Variants in INPPL1 observed in about 807,000 individuals in gnomAD.
INPPL1 encodes the protein inositol polyphosphate phosphatase like 1, also known as phosphatidylinositol 3,4,5-trisphosphate 5-phosphatase 2.
INPPL1 carries 91 observed loss-of-function variants against 139.3 expected under a neutral mutation model. The ratio of observed to expected loss-of-function variants is 0.65; its 90% CI spans 0.55 to 0.78. The LOEUF (loss-of-function observed/expected upper bound fraction) is 0.78. Among genes scored for constraint, INPPL1 ranks in the 30% least tolerant of loss-of-function variants. The pLI is 0.00. For synonymous variants in INPPL1, 719 were observed against 686.6 expected, an observed-to-expected ratio of 1.05 and a Z score of -0.74; for missense variants, 1,411 against 1,665.6, an observed-to-expected ratio of 0.85 and a Z score of 2.66.
chr11:72,237,651 C>T lies in INPPL1; in HGVS notation c.3407C>T (p.Ala1136Val). 1 of 1,611,272 alleles carries T rather than the reference C, an allele frequency of 6.2e-7. No individual in the cohort carries two copies. The highest frequency in any genetic ancestry group is 8.5e-7 in the Non-Finnish European group (1 of 1,178,894). The change falls in exon 26 of 28, where the codon GCC becomes GTC. Residue 1136 changes from alanine to valine, a missense_variant. This residue lies in a region of INPPL1 where 438 missense variants were observed against 425.7 expected (regional missense o/e 1.03). Transcript: ENST00000298229. ...MAKTLSEVDY[A>V]PAGPARSALL... ...AAGACGCTGAGCGAGGTGGACTATG[C>T]CCCTGCTGGGCCTGCACGCTCAGCG...
chr11:72,235,090 C>A lies in INPPL1; in HGVS notation c.2416-26C>A. 6.3e-7 allele frequency: 1 copy of A among 1,590,190 alleles called. No individual in the cohort carries two copies. Among genetic ancestry groups the A allele is most frequent in the South Asian group, 1.1e-5 (1 of 88,682 alleles). On this transcript the variant is annotated intron_variant, in intron 21 of 27. Coordinates refer to ENST00000298229, the MANE Select transcript of INPPL1 (RefSeq NM_001567.4). The surrounding 1 kb of genome is among the most constrained non-coding windows in gnomAD (Gnocchi z 4.9). ...CAGGAGGAAGTGGCGGGGCTTTGTT[C>A]CTCACTGGGCCTCCCTGCTTCCCAG...
At position 72,228,835 on chromosome 11, in the gene INPPL1, C is replaced by T; in HGVS notation, c.506C>T (p.Pro169Leu). 2 of 1,607,820 alleles carry T rather than the reference C, an allele frequency of 1.2e-6. No individual in the cohort carries two copies. The highest frequency in any genetic ancestry group is 1.7e-6 in the Non-Finnish European group (2 of 1,176,756). Residue 169 changes from proline to leucine, a missense_variant, in exon 4 of 28, where the codon CCA becomes CTA. Pro to Leu is a moderately conservative substitution (Grantham distance 98, BLOSUM62 -3). Transcript: ENST00000298229. This position sits in a 1 kb window ranked among gnomAD's most constrained non-coding sequence, Gnocchi z 5.0. ...PLPAPETPTA[P>L]AAESAPNGLS... Reference sequence around the variant, plus strand: ...CCAGCTCCTGAGACTCCCACAGCTCCAGCTGCTGAGAGGTGAGACCCCCAT... The same window carrying T: ...CCAGCTCCTGAGACTCCCACAGCTCTAGCTGCTGAGAGGTGAGACCCCCAT...
chr11:72,227,070 C>G (rs1232882347), intron 1 of INPPL1, among the ~76,000 whole-genome samples: 3 of 152,142 alleles, frequency 2.0e-5, no homozygotes, highest in African/African-American at 4.8e-5. Flanking sequence ...TTGCCAAATA[C>G]ACACATACTT....
chr11:72,236,301 C>T (rs189284264), intron 25 of INPPL1, among the ~76,000 whole-genome samples: 13 of 152,346 alleles, frequency 8.5e-5, no homozygotes, highest in East Asian at 5.8e-4. Flanking sequence ...GCACATGGCT[C>T]GGCCTGGGAT....
rs1049472 is a variant in INPPL1, at chr11:72,237,585, C to G, written c.3341C>G (p.Ala1114Gly). Residue 1114 changes from alanine (A) to glycine (G), a missense_variant, in exon 26 of 28, where the codon GCC (alanine) becomes GGC (glycine). Around this residue, in one of 5 missense-constraint regions of INPPL1, gnomAD observed 438 missense variants for 425.7 expected, o/e 1.03. Coordinates refer to ENST00000298229, the MANE Select transcript of INPPL1 (RefSeq NM_001567.4). ...GCCAGCACTTTCCTGGGGGAAGTGG[C>G]CAGTGGGGATGACCGGTCCTGCTCG... ...SPASTFLGEV[A>G]SGDDRSCSVL... 26 of 1,598,402 alleles carry G rather than the reference C, an allele frequency of 1.6e-5. No individual in the cohort carries two copies. Among genetic ancestry groups the G allele is most frequent in the Non-Finnish European group, 1.9e-5 (22 of 1,169,794 alleles).
rs1948974553 is a variant in INPPL1, at chr11:72,235,877, G to A, written c.2770G>A (p.Ala924Thr). The A allele has an allele frequency of 6.2e-7, 1 of 1,613,184 alleles. No homozygotes were observed. Among genetic ancestry groups the A allele is most frequent in the African/African-American group, 1.3e-5 (1 of 74,912 alleles). The change falls in exon 25 of 28, where the codon GCC (alanine) becomes ACC (threonine). Residue 924 changes from alanine (A) to threonine (T), a missense_variant. Coordinates refer to ENST00000298229, the MANE Select transcript of INPPL1 (RefSeq NM_001567.4). The surrounding 1 kb of genome is among the most constrained non-coding windows in gnomAD (Gnocchi z 4.9). ...GAGCCGCAAGCCAGCCTTCACAGAG[G>A]CCTCCTGCCCGCTCTCCAGGTTATT... ...SGSRKPAFTE[A>T]SCPLSRLFEE...
At position 72,228,147 on chromosome 11, in the gene INPPL1, C is replaced by T. The variant is rs369196322; in HGVS notation, c.183-43C>T. The T allele has an allele frequency of 5.6e-6, 9 of 1,611,186 alleles. No homozygotes were observed. In the South Asian group the frequency reaches 8.8e-5, roughly 16 times the overall value. On this transcript the variant is annotated intron_variant, in intron 1 of 27. Transcript: ENST00000298229. This position sits in a 1 kb window ranked among gnomAD's most constrained non-coding sequence, Gnocchi z 5.0. ...GGAAGGGGTGCTTTGGGTCTTAGAC[C>T]CCAGCCTGGGGGTGACAGATTCTGG...
At position 72,237,710 on chromosome 11, in the gene INPPL1, CG is replaced by C. The variant is rs1565399032; in HGVS notation, c.3470del (p.Gly1157AspfsTer45). The C allele has an allele frequency of 1.2e-6, 2 of 1,611,418 alleles. No homozygotes were observed. The highest frequency in any genetic ancestry group is 1.7e-6 in the Non-Finnish European group (2 of 1,179,334). On this transcript the variant is annotated frameshift_variant, in exon 26 of 28. Coordinates refer to ENST00000298229, the MANE Select transcript of INPPL1 (RefSeq NM_001567.4). LOFTEE classifies it high-confidence loss of function. ...LPGPLELQPP[R>X]GLPSDYGRPL... ...AGGCCCCCTGGAGCTGCAGCCCCCC[CG>C]GGGACTGCCCTCGGACTATGGCCGG... is the stretch of plus-strand genomic sequence containing the variant.
Position 72,229,081 on chromosome 11 carries a change from T to A in INPPL1, c.519-9T>A. ...GGACCTCCACTGACTTCTTAACCCC[T>A]CCCCAAAGTGCTCCCAATGGGCTGA... On this transcript the variant is annotated splice_polypyrimidine_tract_variant and intron_variant, in intron 4 of 27. Coordinates refer to ENST00000298229, the MANE Select transcript of INPPL1 (RefSeq NM_001567.4). 6.2e-7 allele frequency: 1 copy of A among 1,601,266 alleles called. No homozygotes were observed.
rs771162769 is a variant in INPPL1 at position 72,237,322 on chromosome 11, T to C, written c.3078T>C (p.Leu1026=). 1.7e-5 allele frequency: 28 copies of C among 1,613,774 alleles called. No individual in the cohort carries two copies. Among genetic ancestry groups the C allele is most frequent in the Non-Finnish European group, 2.3e-5 (27 of 1,180,006 alleles). ...KVAITVPAPQ[L]GHHRHPRVGE... is the part of the protein sequence containing the mutation. The stretch of plus-strand genomic sequence containing the variant: ...CCATTACAGTGCCTGCTCCACAGCT[T>C]GGGCACCACCGGCACCCTCGTGTGG... Residue 1026 remains leucine (L), a synonymous_variant, in exon 26 of 28, where the codon CTT becomes CTC. Coordinates refer to ENST00000298229, the MANE Select transcript of INPPL1 (RefSeq NM_001567.4).
In INPPL1 at chr11:72,238,143, G is replaced by A. The variant is rs1190660600; in HGVS notation, c.3654G>A (p.Val1218=). Residue 1218 remains valine, a synonymous_variant, in exon 27 of 28, where the codon GTG becomes GTA. Transcript: ENST00000298229. ...TGGAGCGCTATGAGGAGGGCCTGGT[G>A]CATAATGGCTGGGACGACCTGGAGT... ...IGLERYEEGL[V]HNGWDDLEFL... 1 of 1,592,248 alleles carries A rather than the reference G, an allele frequency of 6.3e-7. No homozygotes were observed. Among genetic ancestry groups the A allele is most frequent in the Middle Eastern group, 1.7e-4 (1 of 5,912 alleles).
rs763831147 is a variant in INPPL1 at position 72,229,990 on chromosome 11, G to A, written c.910G>A (p.Ala304Thr). 6.2e-7 allele frequency: 1 copy of A among 1,614,246 alleles called. No homozygotes were observed. The highest frequency in any genetic ancestry group is 1.7e-5 in the Admixed American group (1 of 60,032). Reference sequence around the variant, plus strand: ...AGCTCCGCAGCCATCCACACGTAAGGCCAAGACCATCCCCGTGCAGGCCTT... The same window carrying A: ...AGCTCCGCAGCCATCCACACGTAAGACCAAGACCATCCCCGTGCAGGCCTT... Reference protein sequence around the residue: ...PPAPQPSTRKAKTIPVQAFEV... With the variant: ...PPAPQPSTRKTKTIPVQAFEV... The change falls in exon 8 of 28, where the codon GCC becomes ACC. Residue 304 changes from alanine (A) to threonine (T), a missense_variant. By Grantham distance (58) the Ala-to-Thr change is moderately conservative. Around this residue, in one of 5 missense-constraint regions of INPPL1, gnomAD observed 504 missense variants for 595.6 expected, o/e 0.85. Coordinates refer to ENST00000298229, the MANE Select transcript of INPPL1 (RefSeq NM_001567.4).
At chr11:72,237,082 G>T in intron 25 of INPPL1, 42 bp from the exon 26 acceptor site, 2 of 1,526,764 alleles carry the variant, frequency 1.3e-6, no homozygotes, top group Non-Finnish European at 8.8e-7. Context: ...CTTAGACCTG[G>T]GTTCCTGGAT....
chr11:72,233,343 G>C, intron 17 of INPPL1, 98 bp from the exon 18 acceptor site: 1 of 1,142,478 alleles, frequency 8.8e-7, no homozygotes, highest in Non-Finnish European at 1.3e-6. Context: ...AGGGCCTCTA[G>C]TAATAGAAGT....
In INPPL1 at chr11:72,224,857, C is replaced by A; in HGVS notation, c.-128C>A. The A allele has an allele frequency of 1.7e-6, 1 of 601,662 alleles. No individual in the cohort carries two copies. Among genetic ancestry groups the A allele is most frequent in the Non-Finnish European group, 2.1e-6 (1 of 471,510 alleles). 37.3% of individuals were successfully genotyped at this position (601,662 alleles called of 1,614,324 possible). ...CGCGGCGGAGTGCTGAGTCCCGATC[C>A]CCGGCTCTGTCCGGCCCACGGATCC... On this transcript the variant is annotated 5_prime_UTR_variant, in exon 1 of 28. Coordinates refer to ENST00000298229, the MANE Select transcript of INPPL1 (RefSeq NM_001567.4).
chr11:72,230,810 C>T lies in INPPL1; in HGVS notation c.1212C>T (p.Phe404=), dbSNP rs866410983. The T allele has an allele frequency of 6.2e-7, 1 of 1,614,012 alleles. No homozygotes were observed. Among genetic ancestry groups the T allele is most frequent in the Non-Finnish European group, 8.5e-7 (1 of 1,179,978 alleles). ...TGTTCCCCCAGAAGCGGGAGGCCTT[C>T]TGCCAGCTGTTGCAGCTCATGAAGA... is the stretch of plus-strand genomic sequence containing the variant. ...IFVSARKREA[F]CQLLQLMKNK... Residue 404 remains phenylalanine, a synonymous_variant, in exon 11 of 28, where the codon TTC becomes TTT. Coordinates refer to ENST00000298229, the MANE Select transcript of INPPL1 (RefSeq NM_001567.4).
At chr11:72,225,493 A>ATGTGCATTCCACGTTG in intron 1 of INPPL1, 1 of 985,322 alleles carries the variant, frequency 1.0e-6, no homozygotes, top group Non-Finnish European at 1.2e-6. Context: ...AGGGGAGAGG[A>ATGTGCATTCCACGTTG]TGTGCATTCC....
intron 1 of INPPL1, chr11:72,225,446 G>T: frequency 1.0e-6 from 1 of 985,390 alleles, no homozygotes; most frequent in Non-Finnish European, 1.2e-6. Flanking sequence ...GCATTCCCCG[G>T]CAGACCCCTT....
chr11:72,230,320 C>T (rs751344031), intron 9 of INPPL1, 42 bp from the exon 10 acceptor site: 3 of 1,612,978 alleles, frequency 1.9e-6, no homozygotes, highest in Admixed American at 1.7e-5. Context: ...GAGCCCCTGG[C>T]CTAGGGGCAC....
Sources: gnomAD v4.1 joint callset for allele counts (sites outside exome capture counted in the v4.1 genomes callset) on GRCh38, gnomAD v4.1.1 for gene constraint, gnomAD v4.1.1 regional missense constraint, Gnocchi (gnomAD v3.1) non-coding constraint, MANE v1.5 for transcripts, NCBI Gene and HGNC (gene_info 2026-07-23, HGNC 2026-07-21) for gene names.